VPS13B: variants seen among roughly 807,000 people sequenced by gnomAD.
The protein encoded by VPS13B is intermembrane lipid transfer protein VPS13B.
A neutral mutation model predicts 426.4 loss-of-function variants in VPS13B; 285 were observed. The ratio of observed to expected loss-of-function variants is 0.67; its 90% CI spans 0.61 to 0.74. The LOEUF (loss-of-function observed/expected upper bound fraction) is 0.74, where lower values mean the gene tolerates loss of function less well. VPS13B is among the 30% of genes least tolerant of loss of function. The probability of loss-of-function intolerance (pLI) is 0.00; values close to 1 mark genes in which losing one functional copy is unlikely to be tolerated. For synonymous variants in VPS13B, 1,676 were observed against 1,676.4 expected, an observed-to-expected ratio of 1.00 and a Z score of 0.01; for missense variants, 4,537 against 4,782.6, an observed-to-expected ratio of 0.95 and a Z score of 1.51.
intron 16 of VPS13B, among the ~76,000 whole-genome samples, chr8:99,190,509 T>G (rs1411252241): frequency 6.6e-6 from 1 of 152,106 alleles, no homozygotes; most frequent in Non-Finnish European, 1.5e-5. Context: ...TTTATTTAGA[T>G]TCATTCCGTT....
chr8:99,478,447 G>GTTTTTTTTTTTTTTGTTTTTTTTTTT (rs1819825305), intron 24 of VPS13B, among the ~76,000 whole-genome samples: 1 of 85,776 alleles, frequency 1.2e-5, no homozygotes, highest in African/African-American at 5.1e-5. Flanking sequence ...TTTTTGTTTT[G>GTTTTTTTTTTTTTTGTTTTTTTTTTT]TTTTTTTTTT....
intron 61 of VPS13B, 187 bp from the exon 62 acceptor site, chr8:99,875,231 A>C: frequency 1.3e-6 from 1 of 796,102 alleles, no homozygotes. Flanking sequence ...ACTTTCAGTT[A>C]TACTGCTAAA....
chr8:99,259,271 A>G (rs1817921106), intron 17 of VPS13B, among the ~76,000 whole-genome samples: 1 of 152,144 alleles, frequency 6.6e-6, no homozygotes, highest in South Asian at 2.1e-4. Flanking sequence ...TCATGGATGA[A>G]ATCTTAGGAG....
chr8:99,459,095 A>G (rs1818693061), intron 23 of VPS13B, among the ~76,000 whole-genome samples: 1 of 152,166 alleles, frequency 6.6e-6, no homozygotes. Context: ...TATACTTTGT[A>G]TGATGGTCAT....
chr8:99,511,119 C>A lies in VPS13B; in HGVS notation c.4240C>A (p.Leu1414Ile). The A allele has an allele frequency of 6.2e-7, 1 of 1,613,018 alleles. No individual in the cohort carries two copies. Among genetic ancestry groups the A allele is most frequent in the Non-Finnish European group, 8.5e-7 (1 of 1,179,948 alleles). ...KEKSVTTTKL[L>I]DGTHQQHGFL... Reference sequence around the variant, plus strand: ...TTTGGAACAGACAACTACAAAACTTCTAGATGGCACTCATCAGCAGCATGG... The same window carrying A: ...TTTGGAACAGACAACTACAAAACTTATAGATGGCACTCATCAGCAGCATGG... Residue 1414 changes from leucine to isoleucine, a missense_variant, in exon 29 of 62, where the codon CTA becomes ATA. Around this residue, in one of 2 missense-constraint regions of VPS13B, gnomAD observed 4,311 missense variants for 4,474.3 expected, o/e 0.96. Coordinates refer to ENST00000357162, the MANE Select transcript of VPS13B (RefSeq NM_152564.5).
At chr8:99,597,520 G>T (rs1435424100) in intron 33 of VPS13B, among the ~76,000 whole-genome samples, 1 of 151,900 alleles carries the variant, frequency 6.6e-6, no homozygotes, top group African/African-American at 2.4e-5. Context: ...ACACAGTTCT[G>T]GTCAATGAGG....
At chr8:99,640,043 GAAGAAGAGAAAAGAAA>G (rs1171550136) in intron 33 of VPS13B, among the ~76,000 whole-genome samples, 4 of 82,186 alleles carry the variant, frequency 4.9e-5, no homozygotes, top group Admixed American at 1.3e-4. Flanking sequence ...AGAAGAAGAA[GAAGAAGAGAAAAGAAA>G]AGAAAAGAAA....
In VPS13B at chr8:99,076,276, A is replaced by G. The variant is rs79727913; in HGVS notation, c.292-20036A>G. On this transcript the variant is annotated intron_variant, in intron 3 of 61. Coordinates refer to ENST00000357162, the MANE Select transcript of VPS13B (RefSeq NM_152564.5). ...GCTGAGACTTACTTTGTGGCCTAATATATGATTTACACTGGAGAATGTTTT... is the reference window on the plus strand; with the variant it reads ...GCTGAGACTTACTTTGTGGCCTAATGTATGATTTACACTGGAGAATGTTTT... 7.9e-3 allele frequency among the ~76,000 whole-genome samples: 1,201 copies of G among 152,268 alleles called. 13 individuals are homozygous for G. Among genetic ancestry groups the G allele is most frequent in the African/African-American group, 0.028 (1,145 of 41,540 alleles).
intron 21 of VPS13B, among the ~76,000 whole-genome samples, chr8:99,395,373 C>T (rs530065499): frequency 7.9e-5 from 12 of 152,296 alleles, no homozygotes; most frequent in Admixed American, 1.3e-4. Context: ...GGAATAACCT[C>T]GGAGCTACGA....
intron 36 of VPS13B, among the ~76,000 whole-genome samples, chr8:99,704,342 A>G (rs1002677037): frequency 3.3e-5 from 5 of 152,232 alleles, no homozygotes; most frequent in African/African-American, 1.2e-4. Flanking sequence ...AAACCAGGTC[A>G]TTAATTGATA....
intron 33 of VPS13B, among the ~76,000 whole-genome samples, chr8:99,611,267 ATAAAT>A (rs1367298810): frequency 6.6e-6 from 1 of 152,194 alleles, no homozygotes; most frequent in Non-Finnish European, 1.5e-5. Context: ...TAGACAGGAA[ATAAAT>A]TAAGTAGAGA....
At chr8:99,026,363 G>T (rs1170637662) in intron 2 of VPS13B, among the ~76,000 whole-genome samples, 1 of 152,164 alleles carries the variant, frequency 6.6e-6, no homozygotes, top group Non-Finnish European at 1.5e-5. Flanking sequence ...AAAGAAACTT[G>T]ATATGACTTG....
At chr8:99,483,464 C>G (rs139810153) in intron 25 of VPS13B, among the ~76,000 whole-genome samples, 1 of 152,154 alleles carries the variant, frequency 6.6e-6, no homozygotes. Flanking sequence ...TTATTGAATA[C>G]AGCAGTTTCC....
In VPS13B at chr8:99,524,385, GA is replaced by G. The variant is rs571754510; in HGVS notation, c.4745+3377del. 2.6e-5 allele frequency among the ~76,000 whole-genome samples: 4 copies of G among 152,254 alleles called. No homozygotes were observed. In the South Asian group the frequency reaches 6.2e-4, roughly 24 times the overall value. The stretch of plus-strand genomic sequence containing the variant: ...ATATCAATTCAAGTACAAGGTTGTA[GA>G]ATACAAAGCAGATATAACCCAAGGA... On this transcript the variant is annotated intron_variant, in intron 30 of 61. Coordinates refer to ENST00000357162, the MANE Select transcript of VPS13B (RefSeq NM_152564.5).
rs1057517319 is a variant in VPS13B, at chr8:99,135,661, ATTGT to A, written c.1495_1498del (p.Phe499IlefsTer28). 1.9e-6 allele frequency: 3 copies of A among 1,613,488 alleles called. No individual in the cohort carries two copies. Among genetic ancestry groups the A allele is most frequent in the South Asian group, 1.1e-5 (1 of 91,068 alleles). ...AAGGTTTCACATACCTTACAAATTCATTGTTTGATTACCGAAGCCCAGAAAATAA... is the reference window on the plus strand; with the variant it reads ...AAGGTTTCACATACCTTACAAATTCATTGATTACCGAAGCCCAGAAAATAA... On this transcript the variant is annotated frameshift_variant, in exon 11 of 62. Coordinates refer to ENST00000357162, the MANE Select transcript of VPS13B (RefSeq NM_152564.5). LOFTEE classifies it high-confidence loss of function.
intron 56 of VPS13B, among the ~76,000 whole-genome samples, chr8:99,856,448 C>T (rs1816551057): frequency 6.6e-6 from 1 of 152,202 alleles, no homozygotes; most frequent in African/African-American, 2.4e-5. Flanking sequence ...AAGTTGCCCA[C>T]CCACATCTCA....
At chr8:99,505,142 A>G (rs1821425631) in intron 27 of VPS13B, among the ~76,000 whole-genome samples, 1 of 152,208 alleles carries the variant, frequency 6.6e-6, no homozygotes, top group Non-Finnish European at 1.5e-5. Flanking sequence ...CTCTGGATTT[A>G]ACAGAATGGT....
chr8:99,691,403 T>TA, intron 35 of VPS13B, among the ~76,000 whole-genome samples: 1 of 152,250 alleles, frequency 6.6e-6, no homozygotes, highest in East Asian at 1.9e-4. Flanking sequence ...TAAGGTGTTT[T>TA]AAAAAATAAT....
At chr8:99,035,918 T>G (rs754542967) in intron 2 of VPS13B, among the ~76,000 whole-genome samples, 16 of 152,194 alleles carry the variant, frequency 1.1e-4, no homozygotes, top group Admixed American at 2.0e-4. Flanking sequence ...CTGAGCTTCT[T>G]TTCATATACT....
Sources: allele counts gnomAD v4.1 joint callset (sites outside exome capture counted in the v4.1 genomes callset), GRCh38; gene constraint gnomAD v4.1.1; regional missense constraint gnomAD v4.1.1; transcripts MANE v1.5; gene names NCBI Gene and HGNC (gene_info 2026-07-23, HGNC 2026-07-21).